MYO3B: variants seen among roughly 807,000 people sequenced by gnomAD.
The protein encoded by MYO3B is myosin-IIIb.
MYO3B carries 156 observed loss-of-function variants against 174.6 expected under a neutral mutation model. The ratio of observed to expected loss-of-function variants is 0.89; its 90% CI spans 0.78 to 1.02. MYO3B has a LOEUF of 1.02. Among genes scored for constraint, MYO3B ranks in the 50% least tolerant of loss-of-function variants. The pLI is 0.00. For synonymous variants in MYO3B, 563 were observed against 569.1 expected (o/e 0.99, Z 0.15); for missense variants, 1,632 against 1,639.4 (o/e 1.00, Z 0.08).
intron 32 of MYO3B, among the ~76,000 whole-genome samples, chr2:170,634,888 G>A (rs1406303136): frequency 6.6e-6 from 1 of 152,152 alleles, no homozygotes; most frequent in Non-Finnish European, 1.5e-5. Context: ...CTGGTCATCA[G>A]TGAAATGCAA....
chr2:170,467,830 A>G (rs1203785637), intron 25 of MYO3B, among the ~76,000 whole-genome samples: 4 of 151,552 alleles, frequency 2.6e-5, no homozygotes, highest in Non-Finnish European at 5.9e-5. Context: ...AAAAAAAAAA[A>G]AGTTCCTTGC....
At chr2:170,539,920 C>A (rs1043033332) in intron 30 of MYO3B, among the ~76,000 whole-genome samples, 1 of 152,118 alleles carries the variant, frequency 6.6e-6, no homozygotes, top group Admixed American at 6.5e-5. Context: ...TCACACCCAG[C>A]AACAATTGAT....
chr2:170,183,580 AT>A (rs1439517748), intron 1 of MYO3B, among the ~76,000 whole-genome samples: 1 of 151,990 alleles, frequency 6.6e-6, no homozygotes, highest in Admixed American at 6.6e-5. Context: ...AATCAACTTA[AT>A]TTTTTTCATT....
intron 32 of MYO3B, among the ~76,000 whole-genome samples, chr2:170,636,910 A>G (rs1185521127): frequency 2.0e-5 from 3 of 151,472 alleles, no homozygotes; most frequent in Non-Finnish European, 2.9e-5. Flanking sequence ...CACTGGAACT[A>G]TCTTTTAGTT....
chr2:170,397,272 T>C (rs1256717385), intron 16 of MYO3B, among the ~76,000 whole-genome samples: 1 of 152,232 alleles, frequency 6.6e-6, no homozygotes, highest in Non-Finnish European at 1.5e-5. Context: ...GTCACTATTA[T>C]AGTCTGTGTT....
At chr2:170,330,285 C>T (rs2093902667) in intron 7 of MYO3B, among the ~76,000 whole-genome samples, 1 of 152,122 alleles carries the variant, frequency 6.6e-6, no homozygotes, top group African/African-American at 2.4e-5. Flanking sequence ...GCATTGCTTG[C>T]TAACTGGTTT....
At position 170,387,281 on chromosome 2, in the gene MYO3B, A is replaced by G. The variant is rs769122822; in HGVS notation, c.1550A>G (p.Glu517Gly). ...GCAAGAATCTCTGAATATCTCCTGG[A>G]AAAATCCAGAGTTATAAAACAGGCA... The part of the protein sequence containing the change: ...MGARISEYLL[E>G]KSRVIKQAAR... Residue 517 changes from glutamate (E) to glycine (G), a missense_variant, in exon 14 of 35, where the codon GAA (glutamate) becomes GGA (glycine). Glu to Gly is a moderately conservative substitution (Grantham distance 98). Transcript: ENST00000408978. 16 of 1,614,116 alleles carry G rather than the reference A, an allele frequency of 9.9e-6. No individual in the cohort carries two copies. Among genetic ancestry groups the G allele is most frequent in the South Asian group, 4.4e-5 (4 of 91,082 alleles).
chr2:170,633,294 C>G (rs191016794), intron 32 of MYO3B, among the ~76,000 whole-genome samples: 2 of 152,314 alleles, frequency 1.3e-5, no homozygotes, highest in African/African-American at 4.8e-5. Flanking sequence ...GGATTCATCC[C>G]TGGATGCAAG....
chr2:170,417,042 T>C (rs1435531134), intron 22 of MYO3B, among the ~76,000 whole-genome samples: 1 of 152,038 alleles, frequency 6.6e-6, no homozygotes, highest in African/African-American at 2.4e-5. Flanking sequence ...TTAGCCAGCA[T>C]CTCAATCTCC....
In MYO3B at chr2:170,543,915, G is replaced by A; in HGVS notation, c.3660G>A (p.Leu1220=). 2 of 1,613,066 alleles carry A rather than the reference G, an allele frequency of 1.2e-6. No homozygotes were observed. Among genetic ancestry groups the A allele is most frequent in the Non-Finnish European group, 8.5e-7 (1 of 1,179,256 alleles). ...AGCACTCGGTTTCTGGGACTGATTT[G>A]CTGTCTTCTCGGATATGCCATCCTG... The part of the protein sequence containing the change: ...ANKHSVSGTD[L]LSSRICHPAP... The change falls in exon 32 of 35, where the codon TTG becomes TTA. Residue 1220 remains leucine (L), a synonymous_variant. Coordinates refer to ENST00000408978, the MANE Select transcript of MYO3B (RefSeq NM_138995.5).
At chr2:170,310,479 G>A (rs143262835) in intron 7 of MYO3B, among the ~76,000 whole-genome samples, 2 of 151,730 alleles carry the variant, frequency 1.3e-5, no homozygotes, top group Admixed American at 6.6e-5. Flanking sequence ...CCTGGCCATC[G>A]TGGCAAAACC....
At chr2:170,638,200 AAT>A (rs1697685426) in intron 32 of MYO3B, among the ~76,000 whole-genome samples, 1 of 152,032 alleles carries the variant, frequency 6.6e-6, no homozygotes, top group African/African-American at 2.4e-5. Context: ...TATGTGTAAA[AAT>A]ATTTTATAAT....
intron 22 of MYO3B, among the ~76,000 whole-genome samples, chr2:170,437,590 C>A (rs1465983747): frequency 6.6e-6 from 1 of 152,102 alleles, no homozygotes; most frequent in Non-Finnish European, 1.5e-5. Flanking sequence ...ATACTTTTTC[C>A]TATCATATTT....
chr2:170,653,384 C>T lies in MYO3B; in HGVS notation c.*263C>T. The T allele has an allele frequency of 2.1e-6, 1 of 473,320 alleles. No individual in the cohort carries two copies. Among genetic ancestry groups the T allele is most frequent in the Non-Finnish European group, 3.8e-6 (1 of 265,546 alleles). The allele number at this position is 473,320 out of a possible 1,614,324, so 29.3% of individuals were successfully genotyped here. On this transcript the variant is annotated 3_prime_UTR_variant, in exon 35 of 35. Coordinates refer to ENST00000408978, the MANE Select transcript of MYO3B (RefSeq NM_138995.5). Reference sequence around the variant, plus strand: ...CTGTGGGACACTGAGAACACCTTTACAATAGTTTAAACAGTCATTCATGCC... The same window carrying T: ...CTGTGGGACACTGAGAACACCTTTATAATAGTTTAAACAGTCATTCATGCC...
rs56656181 is a variant in MYO3B, at chr2:170,399,271, G to C, written c.1792-917G>C. Among the ~76,000 whole-genome samples the C allele has an allele frequency of 5.5e-5, 3 of 54,400 alleles. 1 individual carries two copies. The highest frequency in any genetic ancestry group is 1.2e-4 in the Non-Finnish European group (3 of 25,506). The allele number at this position is 54,400 out of a possible 152,430, so 35.7% of individuals were successfully genotyped here. A position where few individuals can be genotyped will look rare whatever the true frequency, so the allele number is the denominator to read the frequency against. On this transcript the variant is annotated intron_variant, in intron 16 of 34. Transcript: ENST00000408978. Reference sequence around the variant, plus strand: ...AAAAAAAAAAAAAAAAAAAAAGAGAGAGACCAGTCTGGCCAACAGGGCAAA... The same window carrying C: ...AAAAAAAAAAAAAAAAAAAAAGAGACAGACCAGTCTGGCCAACAGGGCAAA...
At chr2:170,636,594 C>T (rs1482816027) in intron 32 of MYO3B, among the ~76,000 whole-genome samples, 3 of 151,980 alleles carry the variant, frequency 2.0e-5, no homozygotes, top group East Asian at 3.9e-4. Context: ...GCAGGATGAG[C>T]GGCCACGAGA....
chr2:170,195,378 G>A (rs2092587468), intron 1 of MYO3B, among the ~76,000 whole-genome samples: 1 of 152,090 alleles, frequency 6.6e-6, no homozygotes, highest in Admixed American at 6.5e-5. Flanking sequence ...GAGAAGAGAA[G>A]GAGCATCTGA....
rs1319306985 is a variant in MYO3B at position 170,335,383 on chromosome 2, A to G, written c.750-2A>G. 6.2e-7 allele frequency: 1 copy of G among 1,604,326 alleles called. No individual in the cohort carries two copies. The highest frequency in any genetic ancestry group is 8.5e-7 in the Non-Finnish European group (1 of 1,175,952). ...AAGAAAAAATTGCTGTTATTTTTTC[A>G]GAAATCCTCCACCTACTTTACTTCA... On this transcript the variant is annotated splice_acceptor_variant, in intron 7 of 34. Coordinates refer to ENST00000408978, the MANE Select transcript of MYO3B (RefSeq NM_138995.5). LOFTEE classifies it high-confidence loss of function.
At chr2:170,227,577 G>C (rs780858345) in intron 6 of MYO3B, among the ~76,000 whole-genome samples, 24 of 152,154 alleles carry the variant, frequency 1.6e-4, no homozygotes, top group Non-Finnish European at 8.8e-5. Flanking sequence ...GAGCCACAGT[G>C]CCCGGCCTCC....
Sources: gnomAD v4.1 joint callset for allele counts (sites outside exome capture counted in the v4.1 genomes callset) on GRCh38, gnomAD v4.1.1 for gene constraint, MANE v1.5 for transcripts, NCBI Gene and HGNC (gene_info 2026-07-23, HGNC 2026-07-21) for gene names.